Variants in MYO9A observed in about 807,000 individuals in gnomAD.
MYO9A encodes the protein unconventional myosin-IXa.
MYO9A carries 103 observed loss-of-function variants against 293.3 expected under a neutral mutation model. The observed-to-expected ratio is 0.35, with a 90% CI of 0.30 to 0.41. The LOEUF is 0.41. Among genes scored for constraint, MYO9A ranks in the 10% least tolerant of loss-of-function variants. The probability of loss-of-function intolerance (pLI) is 1.00; values close to 1 mark genes in which losing one functional copy is unlikely to be tolerated. For missense variants in MYO9A, 2,685 were observed against 3,033.0 expected (o/e 0.89, Z 2.69); for synonymous variants, 1,001 against 1,035.7 (o/e 0.97, Z 0.64).
At chr15:71,831,532 A>G (rs900773821) in intron 39 of MYO9A, among the ~76,000 whole-genome samples, 1 of 152,220 alleles carries the variant, frequency 6.6e-6, no homozygotes, top group Non-Finnish European at 1.5e-5. Flanking sequence ...TTTCTTAGAC[A>G]TAAGAGTAAA....
intron 14 of MYO9A, chr15:71,958,887 A>T (rs750296961): frequency 6.6e-6 from 1 of 152,234 alleles, no homozygotes; most frequent in Non-Finnish European, 1.5e-5. Context: ...TTAAATGCCA[A>T]AGGAATATAC....
At chr15:71,908,483 G>C (rs1179170607) in intron 19 of MYO9A, among the ~76,000 whole-genome samples, 2 of 152,140 alleles carry the variant, frequency 1.3e-5, no homozygotes, top group Non-Finnish European at 2.9e-5. Context: ...TTCTTAATTG[G>C]ACTGTTTAGA....
chr15:72,105,533 G>A (rs985809567), intron 1 of MYO9A, among the ~76,000 whole-genome samples: 4 of 119,346 alleles, frequency 3.4e-5, no homozygotes, highest in Non-Finnish European at 6.6e-5. Flanking sequence ...TTTTGAGACA[G>A]TTTCCCTCTT....
chr15:72,001,195 C>A (rs937453029), intron 8 of MYO9A, among the ~76,000 whole-genome samples: 1 of 151,976 alleles, frequency 6.6e-6, no homozygotes, highest in African/African-American at 2.4e-5. Flanking sequence ...ATAAAAGTAT[C>A]CATACATAAT....
In MYO9A at chr15:71,825,695, GA is replaced by G. The variant is rs1203606847; in HGVS notation, c.*884del. 2.0e-5 allele frequency: 3 copies of G among 152,204 alleles called. No homozygotes were observed. The highest frequency in any genetic ancestry group is 4.4e-5 in the Non-Finnish European group (3 of 68,034). The allele number at this position is 152,204 out of a possible 1,614,324, so 9.4% of individuals were successfully genotyped here. On this transcript the variant is annotated 3_prime_UTR_variant, in exon 42 of 42. Transcript: ENST00000356056. ...GTTTTCGGTTTAATCTATACAAAGAGAAAAGCCTGAATGGCTTAGGATGAAA... is the reference window on the plus strand; with the variant it reads ...GTTTTCGGTTTAATCTATACAAAGAGAAAGCCTGAATGGCTTAGGATGAAA...
chr15:72,073,339 C>T (rs1031823893), intron 1 of MYO9A, among the ~76,000 whole-genome samples: 14 of 152,108 alleles, frequency 9.2e-5, no homozygotes, highest in Non-Finnish European at 2.1e-4. Context: ...AACCAACTAC[C>T]GCCACAATTG....
intron 1 of MYO9A, among the ~76,000 whole-genome samples, chr15:72,093,143 T>C (rs145417553): frequency 5.8e-4 from 89 of 152,166 alleles, no homozygotes; most frequent in Non-Finnish European, 1.1e-3. Context: ...AAAGATCACA[T>C]AGAGAATATA....
chr15:72,057,093 G>A (rs2078743189), intron 1 of MYO9A, among the ~76,000 whole-genome samples: 1 of 150,888 alleles, frequency 6.6e-6, no homozygotes. Flanking sequence ...GGTGACAAGA[G>A]CAAGACTCTG....
At chr15:71,873,907 C>T (rs1029773212) in intron 32 of MYO9A, among the ~76,000 whole-genome samples, 2 of 152,180 alleles carry the variant, frequency 1.3e-5, no homozygotes, top group Non-Finnish European at 2.9e-5. Context: ...TCTTCCCTAT[C>T]CTTTCCTTTG....
In MYO9A at chr15:72,085,121, G is replaced by C. The variant is rs9920987; in HGVS notation, c.-72+32559C>G. On this transcript the variant is annotated intron_variant, in intron 1 of 41. Coordinates refer to ENST00000356056, the MANE Select transcript of MYO9A (RefSeq NM_006901.4). Reference sequence around the variant, plus strand: ...TATTAATACCTGCAGCTGGCCGGGCGTGGTGGCTCACGCCTGTAGTCCCAG... The same window carrying C: ...TATTAATACCTGCAGCTGGCCGGGCCTGGTGGCTCACGCCTGTAGTCCCAG... 5.7e-3 allele frequency among the ~76,000 whole-genome samples: 860 copies of C among 152,206 alleles called. 12 individuals carry two copies. Among genetic ancestry groups the C allele is most frequent in the African/African-American group, 0.02 (814 of 41,516 alleles).
chr15:72,065,942 C>T (rs1218169249), intron 1 of MYO9A, among the ~76,000 whole-genome samples: 1 of 152,202 alleles, frequency 6.6e-6, no homozygotes, highest in East Asian at 1.9e-4. Flanking sequence ...ATTTTGGCTA[C>T]ACCACAACTT....
chr15:71,965,721 G>A (rs1465818859), intron 13 of MYO9A, among the ~76,000 whole-genome samples: 1 of 152,176 alleles, frequency 6.6e-6, no homozygotes, highest in Non-Finnish European at 1.5e-5. Context: ...CCTGGCAAAA[G>A]AGCGAAGCGA....
chr15:72,066,387 G>A (rs2079022458), intron 1 of MYO9A, among the ~76,000 whole-genome samples: 1 of 151,788 alleles, frequency 6.6e-6, no homozygotes, highest in Non-Finnish European at 1.5e-5. Context: ...TCAGGAGGCT[G>A]AGGCAGGGGA....
chr15:72,066,090 AAGATG>A (rs1208766415), intron 1 of MYO9A, among the ~76,000 whole-genome samples: 1 of 152,222 alleles, frequency 6.6e-6, no homozygotes, highest in African/African-American at 2.4e-5. Context: ...TGCACATAAG[AAGATG>A]AGATACACAC....
chr15:72,047,228 T>C (rs2078412943), intron 1 of MYO9A, among the ~76,000 whole-genome samples: 1 of 152,186 alleles, frequency 6.6e-6, no homozygotes, highest in Non-Finnish European at 1.5e-5. Flanking sequence ...TCCCACAAGG[T>C]GGGAAGGAGA....
chr15:72,020,772 C>G (rs569459165), intron 5 of MYO9A, 146 bp downstream of exon 5: 5 of 416,168 alleles, frequency 1.2e-5, no homozygotes, highest in Non-Finnish European at 2.1e-5. Flanking sequence ...AATTTGAGAA[C>G]TGCATCACCT....
intron 8 of MYO9A, 68 bp from the exon 9 acceptor site, chr15:72,000,008 A>C (rs2076817575): frequency 5.5e-6 from 7 of 1,267,982 alleles, no homozygotes; most frequent in Non-Finnish European, 7.7e-6. Flanking sequence ...CTTTTGAAAA[A>C]GCCAAATAGA....
At chr15:72,014,749 G>GGAAA (rs751941930) in intron 6 of MYO9A, among the ~76,000 whole-genome samples, 2,615 of 143,378 alleles carry the variant, frequency 0.018, 76 homozygotes, top group African/African-American at 0.06. Flanking sequence ...GAGAAAGAAA[G>GGAAA]GAAAGAAAGA....
At chr15:71,931,624 T>G (rs1042204773) in intron 18 of MYO9A, among the ~76,000 whole-genome samples, 2 of 152,154 alleles carry the variant, frequency 1.3e-5, no homozygotes, top group Non-Finnish European at 2.9e-5. Flanking sequence ...AGATCTGGAG[T>G]TCTATTTCCC....
Sources: gnomAD v4.1 joint callset for allele counts (sites outside exome capture counted in the v4.1 genomes callset) on GRCh38, gnomAD v4.1.1 for gene constraint, MANE v1.5 for transcripts, NCBI Gene and HGNC (gene_info 2026-07-23, HGNC 2026-07-21) for gene names.